SLMAP: variants seen among roughly 807,000 people sequenced by gnomAD.
The protein encoded by SLMAP is sarcolemma associated protein.
A neutral mutation model predicts 128.8 loss-of-function variants in SLMAP; 44 were observed. The observed-to-expected ratio is 0.34, with a 90% confidence interval of 0.27 to 0.44. SLMAP has a LOEUF of 0.44. SLMAP is among the 20% of genes least tolerant of loss of function. The pLI, the probability that SLMAP is intolerant of heterozygous loss-of-function variation, is 1.00. For missense variants in SLMAP, 787 were observed against 985.3 expected (o/e 0.80, Z 2.69); for synonymous variants, 327 against 348.8 (o/e 0.94, Z 0.70).
intron 14 of SLMAP, among the ~76,000 whole-genome samples, chr3:57,874,690 T>C (rs1439144904): frequency 6.6e-6 from 1 of 152,030 alleles, no homozygotes; most frequent in Non-Finnish European, 1.5e-5. Flanking sequence ...TGAAACCGCA[T>C]CTCTACTAAA....
intron 6 of SLMAP, among the ~76,000 whole-genome samples, chr3:57,850,655 A>T (rs2094467012): frequency 6.6e-6 from 1 of 152,114 alleles, no homozygotes; most frequent in Admixed American, 6.5e-5. Flanking sequence ...TATTTTTGAG[A>T]TGGAGTCTCA....
At chr3:57,814,505 T>C (rs1009691849) in intron 2 of SLMAP, among the ~76,000 whole-genome samples, 5 of 152,138 alleles carry the variant, frequency 3.3e-5, no homozygotes, top group African/African-American at 1.2e-4. Context: ...AGGAGTGCAG[T>C]AGGACCCTGG....
At chr3:57,831,251 G>T in intron 2 of SLMAP, 132 bp from the exon 3 acceptor site, 2 of 516,766 alleles carry the variant, frequency 3.9e-6, no homozygotes, top group East Asian at 6.7e-5. Context: ...TAGCTGAAAT[G>T]AGTGGTTTGA....
intron 2 of SLMAP, among the ~76,000 whole-genome samples, chr3:57,799,045 A>C (rs754661706): frequency 6.6e-6 from 1 of 152,194 alleles, no homozygotes; most frequent in Non-Finnish European, 1.5e-5. Context: ...TCTCTGCATG[A>C]TGTAGCTGCA....
At chr3:57,906,300 C>CTTTTTTTTTTTTTTTTTTTTTTTT (rs112949836) in intron 17 of SLMAP, among the ~76,000 whole-genome samples, 2 of 71,290 alleles carry the variant, frequency 2.8e-5, no homozygotes, top group African/African-American at 4.8e-5. Flanking sequence ...AAATTTTTTT[C>CTTTTTTTTTTTTTTTTTTTTTTTT]TTTTTTTTTC....
At chr3:57,814,556 C>T (rs534460868) in intron 2 of SLMAP, among the ~76,000 whole-genome samples, 1 of 152,126 alleles carries the variant, frequency 6.6e-6, no homozygotes, top group Non-Finnish European at 1.5e-5. Context: ...TACTATTTAG[C>T]TTAATTTATT....
At chr3:57,901,300 T>C (rs147461641) in intron 17 of SLMAP, 5 of 152,324 alleles carry the variant, frequency 3.3e-5, no homozygotes, top group African/African-American at 1.2e-4. Context: ...CCCTCCCCCA[T>C]TTACCACACA....
At chr3:57,769,031 C>T (rs1344612777) in intron 2 of SLMAP, among the ~76,000 whole-genome samples, 1 of 152,092 alleles carries the variant, frequency 6.6e-6, no homozygotes, top group Non-Finnish European at 1.5e-5. Flanking sequence ...TTTTCTAGAG[C>T]CTTGACTAAC....
chr3:57,919,570 A>G (rs1226988056), intron 22 of SLMAP, among the ~76,000 whole-genome samples: 1 of 152,040 alleles, frequency 6.6e-6, no homozygotes, highest in Non-Finnish European at 1.5e-5. Flanking sequence ...CGAGGTGAGC[A>G]GATCACCTGA....
At chr3:57,799,977 C>G (rs1576669689) in intron 2 of SLMAP, 1 of 152,216 alleles carries the variant, frequency 6.6e-6, no homozygotes, top group South Asian at 2.1e-4. Context: ...TTTGAGGTTA[C>G]AGTGAGCTGT....
At chr3:57,906,275 G>A (rs944536512) in intron 17 of SLMAP, among the ~76,000 whole-genome samples, 1 of 112,300 alleles carries the variant, frequency 8.9e-6, no homozygotes, top group Non-Finnish European at 1.9e-5. Context: ...GACTAGAGTA[G>A]CTGAACCCAG....
chr3:57,772,800 C>G (rs1418332135), intron 2 of SLMAP, among the ~76,000 whole-genome samples: 1 of 152,100 alleles, frequency 6.6e-6, no homozygotes, highest in African/African-American at 2.4e-5. Context: ...GCCACCACGC[C>G]TGGCTAATTT....
intron 2 of SLMAP, among the ~76,000 whole-genome samples, chr3:57,828,740 A>G (rs1053968689): frequency 6.6e-6 from 1 of 152,186 alleles, no homozygotes; most frequent in African/African-American, 2.4e-5. Flanking sequence ...GGTAATATAG[A>G]CATGTCAGAA....
intron 2 of SLMAP, among the ~76,000 whole-genome samples, chr3:57,780,124 T>C (rs1277865611): frequency 6.6e-6 from 1 of 152,064 alleles, no homozygotes; most frequent in Non-Finnish European, 1.5e-5. Context: ...TGTTCCCTTT[T>C]TTTTTTCACA....
At chr3:57,762,710 G>GTTTTTTTTTTTTTTTTTTTTTTTTTTTT (rs752054975) in intron 2 of SLMAP, among the ~76,000 whole-genome samples, 2 of 107,756 alleles carry the variant, frequency 1.9e-5, no homozygotes, top group Admixed American at 9.7e-5. Context: ...TAGTAGAATG[G>GTTTTTTTTTTTTTTTTTTTTTTTTTTTT]TTTTTTTTTT....
At position 57,860,757 on chromosome 3, in the gene SLMAP, A is replaced by G. The variant is rs1290350868; in HGVS notation, c.746A>G (p.Asn249Ser). 6.3e-7 allele frequency: 1 copy of G among 1,598,934 alleles called. No homozygotes were observed. Among genetic ancestry groups the G allele is most frequent in the Admixed American group, 1.8e-5 (1 of 55,484 alleles). Residue 249 changes from asparagine (N) to serine (S), a missense_variant, in exon 9 of 25, where the codon AAC (asparagine) becomes AGC (serine). Asn to Ser is a conservative substitution (Grantham distance 46, BLOSUM62 1). Coordinates refer to ENST00000671191, the MANE Select transcript of SLMAP (RefSeq NM_001377540.1). ...ELIALQEDKH[N>S]YETTAKESLR... is the part of the protein sequence containing the mutation. ...ATAGCATTACAAGAGGATAAACATA[A>G]CTATGAGACAACAGCCAAAGAGTCC...
At chr3:57,854,182 A>G (rs2094656171) in intron 6 of SLMAP, among the ~76,000 whole-genome samples, 1 of 150,464 alleles carries the variant, frequency 6.6e-6, no homozygotes, top group Non-Finnish European at 1.5e-5. Flanking sequence ...CATTGAACCA[A>G]TATTCAGTGG....
chr3:57,789,185 T>C (rs1449123485), intron 2 of SLMAP, among the ~76,000 whole-genome samples: 2 of 152,200 alleles, frequency 1.3e-5, no homozygotes, highest in African/African-American at 4.8e-5. Flanking sequence ...GAAAAAATTA[T>C]TCAATGACAC....
At chr3:57,882,100 C>CT (rs2095759562) in intron 14 of SLMAP, among the ~76,000 whole-genome samples, 1 of 152,012 alleles carries the variant, frequency 6.6e-6, no homozygotes, top group Admixed American at 6.6e-5. Flanking sequence ...TTATTTAATC[C>CT]TTTTTTTAGG....
Sources: gnomAD v4.1 joint callset for allele counts (sites outside exome capture counted in the v4.1 genomes callset) on GRCh38, gnomAD v4.1.1 for gene constraint, MANE v1.5 for transcripts, NCBI Gene and HGNC (gene_info 2026-07-23, HGNC 2026-07-21) for gene names.